Variants in DNAJC15 observed in about 807,000 individuals in gnomAD.
DNAJC15 encodes DnaJ heat shock protein family (Hsp40) member C15, also known as dnaJ homolog subfamily C member 15.
In DNAJC15, 27 loss-of-function variants were observed where a neutral mutation model predicts 22.4. That is an observed-to-expected ratio of 1.20 (90% CI 0.89 to 1.66). The LOEUF is 1.66. DNAJC15 is among the 40% of genes most tolerant of loss of function. DNAJC15 has a pLI of 0.00. For missense variants in DNAJC15, 208 were observed against 187.1 expected (o/e 1.11, Z -0.65); for synonymous variants, 79 against 63.2 (o/e 1.25, Z -1.19).
intron 4 of DNAJC15, among the ~76,000 whole-genome samples, chr13:43,080,543 C>G (rs1367290534): frequency 6.6e-6 from 1 of 152,232 alleles, no homozygotes; most frequent in Non-Finnish European, 1.5e-5. Context: ...ATGGTACTTA[C>G]TAACTACTCA....
intron 1 of DNAJC15, among the ~76,000 whole-genome samples, chr13:43,025,588 G>A (rs1196935995): frequency 6.6e-6 from 1 of 152,156 alleles, no homozygotes; most frequent in Non-Finnish European, 1.5e-5. Flanking sequence ...GAGACATAAA[G>A]GTGAAATATT....
intron 2 of DNAJC15, among the ~76,000 whole-genome samples, chr13:43,068,608 A>C (rs1313364009): frequency 6.6e-6 from 1 of 152,026 alleles, no homozygotes; most frequent in Admixed American, 6.5e-5. Flanking sequence ...TTGTATAAAG[A>C]ATACTAGGAT....
chr13:43,045,752 T>TA, intron 1 of DNAJC15, among the ~76,000 whole-genome samples: 1 of 152,318 alleles, frequency 6.6e-6, no homozygotes, highest in Admixed American at 6.5e-5. Context: ...GTATAAAATA[T>TA]AAAACAATGT....
At chr13:43,089,184 C>A (rs1026531632) in intron 5 of DNAJC15, among the ~76,000 whole-genome samples, 3 of 152,142 alleles carry the variant, frequency 2.0e-5, no homozygotes, top group Non-Finnish European at 4.4e-5. Flanking sequence ...TAAATAATTT[C>A]TTAGATTAGA....
At chr13:43,093,355 T>C (rs1364894388) in intron 5 of DNAJC15, among the ~76,000 whole-genome samples, 1 of 152,232 alleles carries the variant, frequency 6.6e-6, no homozygotes, top group Admixed American at 6.5e-5. Context: ...ATTCTATCTG[T>C]GAGTATTTAC....
In DNAJC15 at chr13:43,107,264, C is replaced by G; in HGVS notation, c.*16C>G. 1.3e-6 allele frequency: 2 copies of G among 1,505,174 alleles called. No homozygotes were observed. Among genetic ancestry groups the G allele is most frequent in the South Asian group, 1.4e-5 (1 of 73,688 alleles). The allele number at this position is 1,505,174 out of a possible 1,614,324, so 93.2% of individuals were successfully genotyped here. ...CAAACATTGATGCTTAAGGACCACA[C>G]TGAAGGAAAAAAAAAGAGGGGACTT... On this transcript the variant is annotated 3_prime_UTR_variant, in exon 6 of 6. Coordinates refer to ENST00000379221, the MANE Select transcript of DNAJC15 (RefSeq NM_013238.3).
intron 1 of DNAJC15, among the ~76,000 whole-genome samples, chr13:43,050,216 G>A (rs1481221020): frequency 1.3e-5 from 2 of 152,052 alleles, no homozygotes; most frequent in East Asian, 3.9e-4. Context: ...CACTCTGCCC[G>A]GCCAGTTTTA....
At chr13:43,064,971 A>G (rs1325792559) in intron 1 of DNAJC15, among the ~76,000 whole-genome samples, 2 of 20,626 alleles carry the variant, frequency 9.7e-5, no homozygotes, top group Non-Finnish European at 1.8e-4. Context: ...GATCATATTG[A>G]AAAAAAAAAA....
intron 4 of DNAJC15, among the ~76,000 whole-genome samples, chr13:43,079,580 G>A (rs1363548237): frequency 4.6e-5 from 7 of 152,150 alleles, no homozygotes; most frequent in South Asian, 2.1e-4. Context: ...AAGCATGAGG[G>A]TCAGATTAGG....
At chr13:43,059,484 C>T (rs1286705330) in intron 1 of DNAJC15, among the ~76,000 whole-genome samples, 4 of 152,096 alleles carry the variant, frequency 2.6e-5, no homozygotes, top group Non-Finnish European at 1.5e-5. Context: ...CCTGTCTCAA[C>T]CTCCCGAGTA....
chr13:43,083,687 A>AT (rs1221296490), intron 4 of DNAJC15, among the ~76,000 whole-genome samples: 3 of 151,936 alleles, frequency 2.0e-5, no homozygotes, highest in Non-Finnish European at 1.5e-5. Context: ...TTTCAGTGTA[A>AT]TTTTTTTTGT....
At chr13:43,086,583 A>G (rs1158281611) in intron 5 of DNAJC15, among the ~76,000 whole-genome samples, 9 of 152,354 alleles carry the variant, frequency 5.9e-5, no homozygotes, top group African/African-American at 2.2e-4. Context: ...AACCAGTACC[A>G]AAATAAGGCA....
chr13:43,101,474 G>T (rs2040768745), intron 5 of DNAJC15, among the ~76,000 whole-genome samples: 1 of 152,194 alleles, frequency 6.6e-6, no homozygotes, highest in Admixed American at 6.5e-5. Context: ...GCATGGAAAA[G>T]CTTTTTTGTG....
intron 1 of DNAJC15, among the ~76,000 whole-genome samples, chr13:43,046,764 G>A (rs2040479147): frequency 1.3e-5 from 2 of 152,136 alleles, no homozygotes; most frequent in Non-Finnish European, 1.5e-5. Context: ...GGTTCGAGCT[G>A]AGCTTTTGCT....
At chr13:43,049,189 G>C (rs962328130) in intron 1 of DNAJC15, among the ~76,000 whole-genome samples, 1 of 152,152 alleles carries the variant, frequency 6.6e-6, no homozygotes, top group Non-Finnish European at 1.5e-5. Flanking sequence ...TTATTGCCTA[G>C]TTGGTAGAAA....
intron 2 of DNAJC15, among the ~76,000 whole-genome samples, chr13:43,066,685 C>T (rs1185359998): frequency 1.3e-5 from 2 of 152,090 alleles, no homozygotes; most frequent in East Asian, 1.9e-4. Context: ...TGCAGTGGGG[C>T]GATCTCTGCT....
chr13:43,090,566 A>G (rs765703132), intron 5 of DNAJC15, among the ~76,000 whole-genome samples: 87 of 152,168 alleles, frequency 5.7e-4, no homozygotes, highest in Admixed American at 2.5e-3. Flanking sequence ...TTTTGCCTCT[A>G]TTCATGAAAA....
In DNAJC15 at chr13:43,065,564, C is replaced by T. The variant is rs369618204; in HGVS notation, c.109-122C>T. The T allele has an allele frequency of 2.8e-4, 214 of 774,878 alleles. No homozygotes were observed. In the African/African-American group the frequency reaches 3.6e-3, roughly 13 times the overall value. The allele number at this position is 774,878 out of a possible 1,614,324, so 48.0% of individuals were successfully genotyped here. On this transcript the variant is annotated intron_variant, in intron 1 of 5. Transcript: ENST00000379221. The stretch of plus-strand genomic sequence containing the variant: ...ACTGCATATTTTTTTAAGTCCTGAT[C>T]TTCACAGTAGAGCTTAAAGAAAGTG...
intron 1 of DNAJC15, among the ~76,000 whole-genome samples, chr13:43,045,013 G>T (rs751356589): frequency 6.6e-6 from 1 of 151,204 alleles, no homozygotes; most frequent in Non-Finnish European, 1.5e-5. Flanking sequence ...ATGATGTACT[G>T]TATCACTCGG....
Sources: allele counts gnomAD v4.1 joint callset (sites outside exome capture counted in the v4.1 genomes callset), GRCh38; gene constraint gnomAD v4.1.1; transcripts MANE v1.5; gene names NCBI Gene and HGNC (gene_info 2026-07-23, HGNC 2026-07-21).